Variants in AGBL1 observed in about 807,000 individuals in gnomAD.
AGBL1 encodes the protein cytosolic carboxypeptidase 4.
In AGBL1, 130 loss-of-function variants were observed where a neutral mutation model predicts 118.9. The ratio of observed to expected loss-of-function variants is 1.09; its 90% CI spans 0.95 to 1.26. AGBL1 has a LOEUF of 1.26. AGBL1 is among the 50% of genes most tolerant of loss of function. The probability of loss-of-function intolerance (pLI) is 0.00; values close to 1 mark genes in which losing one functional copy is unlikely to be tolerated. For synonymous variants in AGBL1, 555 were observed against 478.9 expected, an observed-to-expected ratio of 1.16 and a Z score of -2.08; for missense variants, 1,584 against 1,298.1, an observed-to-expected ratio of 1.22 and a Z score of -3.38.
At chr15:86,966,541 G>T (rs1325014002) in intron 23 of AGBL1, among the ~76,000 whole-genome samples, 1 of 151,994 alleles carries the variant, frequency 6.6e-6, no homozygotes, top group Non-Finnish European at 1.5e-5. Context: ...TCTTCTCATT[G>T]TTCACTTCCC....
rs992969454 is a variant in AGBL1 at position 86,911,358 on chromosome 15, C to T, written c.*4064C>T. 1.3e-5 allele frequency: 2 copies of T among 152,110 alleles called. No individual in the cohort carries two copies. Among genetic ancestry groups the T allele is most frequent in the African/African-American group, 4.8e-5 (2 of 41,406 alleles). 9.4% of individuals were successfully genotyped at this position (152,110 alleles called of 1,614,324 possible). ...ATAGTCCCATTGTTAGAATAGAAGC[C>T]CAAGACTTGCCACCCACGAGCCCTC... On this transcript the variant is annotated 3_prime_UTR_variant, in exon 23 of 23. Coordinates refer to ENST00000614907, the MANE Select transcript of AGBL1 (RefSeq NM_001386094.1).
chr15:86,753,801 A>G (rs1197555111), intron 22 of AGBL1, among the ~76,000 whole-genome samples: 2 of 152,060 alleles, frequency 1.3e-5, no homozygotes, highest in East Asian at 1.9e-4. Context: ...TAAACTCTGA[A>G]TGTCAGAACA....
At chr15:86,413,717 G>A (rs888438339) in intron 18 of AGBL1, among the ~76,000 whole-genome samples, 1 of 151,942 alleles carries the variant, frequency 6.6e-6, no homozygotes, top group Non-Finnish European at 1.5e-5. Flanking sequence ...TTTTAATGGG[G>A]TTATTTATTT....
At position 86,079,971 on chromosome 15, in the gene AGBL1, G is replaced by C. The variant is rs1216045011; in HGVS notation, c.-2G>C. ...AGCGGTTCCCTAGGACCCGAGAAAA[G>C]GATGGCCGAACAAGAAGCTAGTGGG... On this transcript the variant is annotated 5_prime_UTR_variant, in exon 1 of 23. Transcript: ENST00000614907. 8.1e-7 allele frequency: 1 copy of C among 1,232,190 alleles called. No homozygotes were observed. 76.3% of individuals were successfully genotyped at this position (1,232,190 alleles called of 1,614,324 possible).
intron 22 of AGBL1, among the ~76,000 whole-genome samples, chr15:86,840,382 G>T (rs958218988): frequency 2.6e-5 from 4 of 152,142 alleles, no homozygotes; most frequent in African/African-American, 9.7e-5. Context: ...ATTGGACCAA[G>T]CTTAAGCTCC....
At chr15:86,549,838 G>A (rs951789283) in intron 20 of AGBL1, among the ~76,000 whole-genome samples, 2 of 139,382 alleles carry the variant, frequency 1.4e-5, no homozygotes, top group Non-Finnish European at 3.1e-5. Context: ...AAGGAAGGTA[G>A]GAAAGAGGAC....
At chr15:86,504,584 T>C (rs543273176) in intron 18 of AGBL1, among the ~76,000 whole-genome samples, 1 of 151,678 alleles carries the variant, frequency 6.6e-6, no homozygotes, top group African/African-American at 2.4e-5. Context: ...TGAATTCTTT[T>C]ATAACTGCCT....
At chr15:86,929,272 G>C (rs1030770003) in intron 23 of AGBL1, among the ~76,000 whole-genome samples, 1 of 152,152 alleles carries the variant, frequency 6.6e-6, no homozygotes, top group Non-Finnish European at 1.5e-5. Context: ...TTTTTTAAAT[G>C]GGGAAAGATT....
At chr15:86,325,525 T>C (rs759113648) in intron 17 of AGBL1, among the ~76,000 whole-genome samples, 9 of 152,156 alleles carry the variant, frequency 5.9e-5, no homozygotes, top group Non-Finnish European at 1.0e-4. Context: ...TCCTTTTCTG[T>C]AACTTGCTAA....
intron 18 of AGBL1, among the ~76,000 whole-genome samples, chr15:86,488,131 T>C (rs554425582): frequency 6.6e-6 from 1 of 152,240 alleles, no homozygotes; most frequent in African/African-American, 2.4e-5. Context: ...TGGAAGTTGA[T>C]GGCAACCCAG....
chr15:86,926,096 C>T (rs2080536341), intron 23 of AGBL1, among the ~76,000 whole-genome samples: 2 of 152,122 alleles, frequency 1.3e-5, no homozygotes, highest in Non-Finnish European at 2.9e-5. Flanking sequence ...CATCTCCTCT[C>T]CTTTCCTTCC....
chr15:86,271,898 C>T lies in AGBL1; in HGVS notation c.2075+192C>T, dbSNP rs114454477. Among the ~76,000 whole-genome samples the T allele has an allele frequency of 2.7e-3, 416 of 152,280 alleles. 4 individuals carry two copies. The highest frequency in any genetic ancestry group is 9.7e-3 in the African/African-American group (402 of 41,544). On this transcript the variant is annotated intron_variant, in intron 15 of 22. Transcript: ENST00000614907. ...ATTCACTGGCACGCACAGTAGACCT[C>T]GAGAAATACCTTTTGATTGGCTGAA...
chr15:86,081,545 G>A (rs1187919433), intron 1 of AGBL1, among the ~76,000 whole-genome samples: 1 of 152,170 alleles, frequency 6.6e-6, no homozygotes, highest in Non-Finnish European at 1.5e-5. Context: ...TTCATGCAAG[G>A]TGAGAATGTA....
At chr15:86,513,868 G>C (rs2083082990) in intron 18 of AGBL1, among the ~76,000 whole-genome samples, 1 of 151,916 alleles carries the variant, frequency 6.6e-6, no homozygotes, top group South Asian at 2.1e-4. Flanking sequence ...CCTTAGAATT[G>C]ATCTCTGCGT....
intron 22 of AGBL1, among the ~76,000 whole-genome samples, chr15:86,810,434 G>A (rs1252005513): frequency 1.3e-5 from 2 of 152,014 alleles, no homozygotes; most frequent in Non-Finnish European, 2.9e-5. Context: ...CTGCTCCTTG[G>A]CATGCAGTTT....
rs944682344 is a variant in AGBL1 at position 86,909,103 on chromosome 15, A to G, written c.*1809A>G. On this transcript the variant is annotated 3_prime_UTR_variant, in exon 23 of 23. Transcript: ENST00000614907. Reference sequence around the variant, plus strand: ...ACACAAAAAGAAATGCCTGTTTTCTATCTTTCCAAAAGCTCTACATAATAT... The same window carrying G: ...ACACAAAAAGAAATGCCTGTTTTCTGTCTTTCCAAAAGCTCTACATAATAT... The G allele has an allele frequency of 3.9e-5, 6 of 152,218 alleles. No individual in the cohort carries two copies. Among genetic ancestry groups the G allele is most frequent in the East Asian group, 3.9e-4 (2 of 5,192 alleles). 9.4% of individuals were successfully genotyped at this position (152,218 alleles called of 1,614,324 possible).
At chr15:86,466,125 T>C (rs1299473742) in intron 18 of AGBL1, among the ~76,000 whole-genome samples, 1 of 152,220 alleles carries the variant, frequency 6.6e-6, no homozygotes. Context: ...GTTGAAATAC[T>C]GGGGGCTGGT....
At chr15:86,594,070 C>T (rs749963106) in intron 21 of AGBL1, among the ~76,000 whole-genome samples, 2 of 151,920 alleles carry the variant, frequency 1.3e-5, no homozygotes, top group Non-Finnish European at 2.9e-5. Context: ...TATAGGTGCA[C>T]TCCATCACAC....
At chr15:86,307,899 G>T (rs1407683134) in intron 17 of AGBL1, among the ~76,000 whole-genome samples, 2 of 151,968 alleles carry the variant, frequency 1.3e-5, no homozygotes. Flanking sequence ...CTATATTTTA[G>T]TCCCCATAAC....
Sources: gnomAD v4.1 joint callset for allele counts (sites outside exome capture counted in the v4.1 genomes callset) on GRCh38, gnomAD v4.1.1 for gene constraint, MANE v1.5 for transcripts, NCBI Gene and HGNC (gene_info 2026-07-23, HGNC 2026-07-21) for gene names.